TRPC4: variants seen among roughly 807,000 people sequenced by gnomAD.
TRPC4 encodes the protein transient receptor potential cation channel subfamily C member 4.
In TRPC4, 49 loss-of-function variants were observed where a neutral mutation model predicts 99.4. The ratio of observed to expected loss-of-function variants is 0.49; its 90% CI spans 0.39 to 0.63. The LOEUF (loss-of-function observed/expected upper bound fraction) is 0.63, where lower values mean the gene tolerates loss of function less well. Ranked by LOEUF, TRPC4 falls within the 20% of genes least tolerant of loss-of-function variation. The pLI is 0.00. For synonymous variants in TRPC4, 454 were observed against 425.9 expected (o/e 1.07, Z -0.81); for missense variants, 898 against 1,152.9 (o/e 0.78, Z 3.20).
rs866174884 is a variant in TRPC4 at position 37,632,791 on chromosome 13, C to T, written c.*4112G>A. ...GTATTTTCTGAAAACAGTAAGAAACCAGCTTTTTAAAAATTCTCTTAACAC... is the reference window on the plus strand; with the variant it reads ...GTATTTTCTGAAAACAGTAAGAAACTAGCTTTTTAAAAATTCTCTTAACAC... On this transcript the variant is annotated 3_prime_UTR_variant, in exon 11 of 11. Transcript: ENST00000379705. 6.6e-6 allele frequency among the ~76,000 whole-genome samples: 1 copy of T among 152,152 alleles called. No homozygotes were observed. The highest frequency in any genetic ancestry group is 2.1e-4 in the South Asian group (1 of 4,816).
At chr13:37,716,356 A>C (rs569996918) in intron 3 of TRPC4, among the ~76,000 whole-genome samples, 12 of 152,324 alleles carry the variant, frequency 7.9e-5, no homozygotes, top group African/African-American at 2.6e-4. Context: ...TTTGAATCCT[A>C]AAATTATAAG....
chr13:37,741,934 GAAAAA>G (rs369211542), intron 3 of TRPC4, among the ~76,000 whole-genome samples: 1 of 145,758 alleles, frequency 6.9e-6, no homozygotes, highest in Non-Finnish European at 1.5e-5. Context: ...ATTTTTTCAT[GAAAAA>G]AAAAAAACAG....
At position 37,692,252 on chromosome 13, in the gene TRPC4, T is replaced by G. The variant is rs751654800; in HGVS notation, c.981A>C (p.Ala327=). ...EFPGWRRRHW[A]VKMVTCFIIG... ...TTATGAAACATGTCACCATCTTCACTGCCCAGTGTCTTCTCCTCCAGCCTG... is the reference window on the plus strand; with the variant it reads ...TTATGAAACATGTCACCATCTTCACGGCCCAGTGTCTTCTCCTCCAGCCTG... The change falls in exon 4 of 11, where the codon GCA becomes GCC. Residue 327 remains alanine (A), a synonymous_variant. Transcript: ENST00000379705. 6.2e-7 allele frequency: 1 copy of G among 1,614,164 alleles called. No individual in the cohort carries two copies. Among genetic ancestry groups the G allele is most frequent in the South Asian group, 1.1e-5 (1 of 91,084 alleles).
intron 1 of TRPC4, among the ~76,000 whole-genome samples, chr13:37,863,165 C>T (rs977346560): frequency 1.3e-5 from 2 of 151,334 alleles, no homozygotes; most frequent in African/African-American, 4.8e-5. Flanking sequence ...CCTAATGATG[C>T]CTTTCTCAGG....
chr13:37,827,457 G>T (rs201125014), intron 1 of TRPC4, among the ~76,000 whole-genome samples: 20 of 151,998 alleles, frequency 1.3e-4, no homozygotes, highest in Non-Finnish European at 2.6e-4. Context: ...TTTGGTGTGG[G>T]TGTCCTTTCT....
chr13:37,671,322 CAG>C (rs1359147270), intron 5 of TRPC4, among the ~76,000 whole-genome samples: 2 of 152,102 alleles, frequency 1.3e-5, no homozygotes, highest in African/African-American at 4.8e-5. Flanking sequence ...ATCAGAAAAT[CAG>C]AGTGACATCA....
chr13:37,651,429 G>T lies in TRPC4; in HGVS notation c.1915C>A (p.Arg639=), dbSNP rs369055871. The change falls in exon 8 of 11, where the codon CGA becomes AGA. Residue 639 remains arginine (R), a synonymous_variant. Coordinates refer to ENST00000379705, the MANE Select transcript of TRPC4 (RefSeq NM_016179.4). ...DHADIEWKFA[R]TKLWMSYFEE... ...AAATAACTCATCCAAAGCTTTGTTC[G>T]TGCAAATTTCCATTCTATATCTGCA... The T allele has an allele frequency of 1.2e-5, 19 of 1,613,842 alleles. No individual in the cohort carries two copies. The highest frequency in any genetic ancestry group is 1.6e-4 in the Middle Eastern group (1 of 6,082).
At chr13:37,823,838 A>C (rs1381340456) in intron 1 of TRPC4, among the ~76,000 whole-genome samples, 1 of 150,426 alleles carries the variant, frequency 6.6e-6, no homozygotes. Context: ...TGGGGATGGC[A>C]TTGAATCTGT....
intron 4 of TRPC4, among the ~76,000 whole-genome samples, chr13:37,689,870 G>C (rs1215471708): frequency 6.6e-6 from 1 of 152,132 alleles, no homozygotes; most frequent in South Asian, 2.1e-4. Flanking sequence ...TAAAATTTAA[G>C]CTTCATTAGC....
intron 2 of TRPC4, among the ~76,000 whole-genome samples, chr13:37,754,771 T>C (rs1382143072): frequency 1.3e-5 from 2 of 152,156 alleles, no homozygotes; most frequent in African/African-American, 4.8e-5. Flanking sequence ...TCAATTTTAC[T>C]GCAAGATTAG....
At chr13:37,648,545 G>GT (rs1291768395) in intron 8 of TRPC4, among the ~76,000 whole-genome samples, 3 of 150,378 alleles carry the variant, frequency 2.0e-5, no homozygotes, top group East Asian at 1.9e-4. Context: ...AATATTAATG[G>GT]TTAAAAAAAA....
chr13:37,632,101 A>T lies in TRPC4; in HGVS notation c.*4802T>A, dbSNP rs1433873049. The stretch of plus-strand genomic sequence containing the variant: ...GCAAACTTTAATAGAGCTACACAAA[A>T]CTTTTTTGAGTAATTAAAGATAGAA... On this transcript the variant is annotated 3_prime_UTR_variant, in exon 11 of 11. Coordinates refer to ENST00000379705, the MANE Select transcript of TRPC4 (RefSeq NM_016179.4). 2.0e-5 allele frequency among the ~76,000 whole-genome samples: 3 copies of T among 152,262 alleles called. No homozygotes were observed. Among genetic ancestry groups the T allele is most frequent in the Non-Finnish European group, 2.9e-5 (2 of 68,018 alleles).
At chr13:37,709,717 G>A (rs1233755676) in intron 3 of TRPC4, among the ~76,000 whole-genome samples, 1 of 151,868 alleles carries the variant, frequency 6.6e-6, no homozygotes, top group Non-Finnish European at 1.5e-5. Context: ...TGTATCATGG[G>A]ATCAACTATA....
At chr13:37,743,285 C>T (rs376168635) in intron 3 of TRPC4, among the ~76,000 whole-genome samples, 1 of 152,002 alleles carries the variant, frequency 6.6e-6, no homozygotes, top group Admixed American at 6.6e-5. Flanking sequence ...TATTATTAGG[C>T]TTTATCACCC....
chr13:37,749,578 A>G (rs1054028117), intron 2 of TRPC4, among the ~76,000 whole-genome samples: 1 of 152,156 alleles, frequency 6.6e-6, no homozygotes, highest in African/African-American at 2.4e-5. Context: ...TGAAGACAAT[A>G]AAAACAGAAC....
At chr13:37,774,655 A>T (rs1956649958) in intron 2 of TRPC4, among the ~76,000 whole-genome samples, 1 of 151,426 alleles carries the variant, frequency 6.6e-6, no homozygotes, top group Admixed American at 6.6e-5. Context: ...CCCTCCTCTC[A>T]CCCTCTACTT....
At chr13:37,673,488 A>G (rs1475477747) in intron 5 of TRPC4, among the ~76,000 whole-genome samples, 22 of 150,402 alleles carry the variant, frequency 1.5e-4, no homozygotes, top group Admixed American at 2.0e-4. Context: ...TTTTTTACCA[A>G]TTAACTAGTT....
At chr13:37,770,504 C>G (rs1462036167) in intron 2 of TRPC4, among the ~76,000 whole-genome samples, 1 of 151,470 alleles carries the variant, frequency 6.6e-6, no homozygotes, top group Non-Finnish European at 1.5e-5. Flanking sequence ...TTCTGAAACC[C>G]TTGATTTAAT....
chr13:37,759,774 A>G (rs1478635367), intron 2 of TRPC4, among the ~76,000 whole-genome samples: 1 of 152,000 alleles, frequency 6.6e-6, no homozygotes, highest in Non-Finnish European at 1.5e-5. Context: ...TTACAGCTTT[A>G]TGGGAGAGTA....
Sources: allele counts gnomAD v4.1 joint callset (sites outside exome capture counted in the v4.1 genomes callset), GRCh38; gene constraint gnomAD v4.1.1; transcripts MANE v1.5; gene names NCBI Gene and HGNC (gene_info 2026-07-23, HGNC 2026-07-21).